NBEA: variants seen among roughly 807,000 people sequenced by gnomAD.
NBEA encodes lysosomal-trafficking regulator 2.
NBEA carries 44 observed loss-of-function variants against 343.4 expected under a neutral mutation model. The ratio of observed to expected loss-of-function variants is 0.13; its 90% CI spans 0.10 to 0.16. The LOEUF is 0.16. NBEA is among the 10% of genes least tolerant of loss of function. NBEA has a pLI of 1.00. For synonymous variants in NBEA, 1,175 were observed against 1,238.7 expected (o/e 0.95, Z 1.08); for missense variants, 2,555 against 3,631.3 (o/e 0.70, Z 7.62).
At chr13:35,506,364 C>G (rs1225508863) in intron 41 of NBEA, among the ~76,000 whole-genome samples, 1 of 152,182 alleles carries the variant, frequency 6.6e-6, no homozygotes, top group Admixed American at 6.5e-5. Flanking sequence ...CCACCTCAAC[C>G]AGACCCATCC....
intron 17 of NBEA, among the ~76,000 whole-genome samples, chr13:35,132,755 C>A (rs1402729675): frequency 2.0e-5 from 3 of 152,046 alleles, no homozygotes; most frequent in Non-Finnish European, 4.4e-5. Context: ...CCAGTGGGCA[C>A]AGGGAACTGT....
intron 40 of NBEA, among the ~76,000 whole-genome samples, chr13:35,455,795 AAG>A (rs1226536934): frequency 6.6e-6 from 1 of 152,122 alleles, no homozygotes; most frequent in Non-Finnish European, 1.5e-5. Flanking sequence ...TAAAGAGGTC[AAG>A]AGATTAAGTA....
intron 55 of NBEA, among the ~76,000 whole-genome samples, chr13:35,657,248 G>A (rs7994304): frequency 0.034 from 5,199 of 152,278 alleles, 313 homozygotes; most frequent in African/African-American, 0.12. Context: ...AAGAAACTAG[G>A]TGTGTTGTAA....
At chr13:35,082,205 A>G in intron 10 of NBEA, among the ~76,000 whole-genome samples, 1 of 152,014 alleles carries the variant, frequency 6.6e-6, no homozygotes, top group East Asian at 1.9e-4. Context: ...GCTGAGAATG[A>G]TGGTTTCCAG....
intron 30 of NBEA, 119 bp downstream of exon 30, chr13:35,184,190 TATG>T (rs2071522553): frequency 3.1e-6 from 2 of 650,484 alleles, no homozygotes; most frequent in Admixed American, 6.9e-5. Flanking sequence ...TTCATGGAGA[TATG>T]ATATGTTGTA....
chr13:35,080,176 T>A (rs937795464), intron 10 of NBEA, among the ~76,000 whole-genome samples: 1 of 152,120 alleles, frequency 6.6e-6, no homozygotes, highest in African/African-American at 2.4e-5. Flanking sequence ...CATATAAAAT[T>A]AAAAAATTGT....
chr13:35,243,226 G>A (rs567807319), intron 34 of NBEA, among the ~76,000 whole-genome samples: 2 of 151,786 alleles, frequency 1.3e-5, no homozygotes, highest in African/African-American at 4.8e-5. Context: ...ATAATTTTAA[G>A]ATGTTTTATG....
At position 35,532,156 on chromosome 13, in the gene NBEA, G is replaced by A. The variant is rs912369913; in HGVS notation, c.6586-18321G>A. On this transcript the variant is annotated intron_variant, in intron 41 of 58. Transcript: ENST00000379939. The stretch of plus-strand genomic sequence containing the variant: ...CTATTTTGGAGCTAAAAAGTTGAAG[G>A]AAGTGTAATTTGTATTTAGCTTCGA... Among the ~76,000 whole-genome samples the A allele has an allele frequency of 3.9e-5, 6 of 152,146 alleles. No homozygotes were observed. The South Asian group carries it at 1.2e-3, about 32-fold the overall frequency.
chr13:35,138,259 T>G (rs562234193), intron 17 of NBEA, among the ~76,000 whole-genome samples: 10 of 152,188 alleles, frequency 6.6e-5, no homozygotes, highest in African/African-American at 2.4e-4. Flanking sequence ...AATGTACATA[T>G]TTTTGGAGGT....
chr13:35,391,848 TA>T (rs1160254344), intron 38 of NBEA, among the ~76,000 whole-genome samples: 2 of 152,196 alleles, frequency 1.3e-5, no homozygotes, highest in African/African-American at 4.8e-5. Flanking sequence ...AGTTATTTCT[TA>T]CTAACTTTTC....
chr13:35,643,288 G>A (rs2084058201), intron 49 of NBEA, among the ~76,000 whole-genome samples: 1 of 151,920 alleles, frequency 6.6e-6, no homozygotes, highest in Non-Finnish European at 1.5e-5. Flanking sequence ...GGGCAGCCTG[G>A]GCTTGTCTCC....
chr13:34,965,237 T>C (rs2059783459), intron 1 of NBEA, among the ~76,000 whole-genome samples: 2 of 152,030 alleles, frequency 1.3e-5, no homozygotes, highest in Admixed American at 6.6e-5. Context: ...GATTCTTATC[T>C]TTAAGGATTT....
intron 28 of NBEA, 95 bp downstream of exon 28, chr13:35,177,198 T>C: frequency 1.1e-6 from 1 of 889,656 alleles, no homozygotes; most frequent in Non-Finnish European, 1.8e-6. Context: ...AAAACGACAT[T>C]CCCTAGTATC....
At chr13:35,053,256 A>T (rs147818978) in intron 6 of NBEA, among the ~76,000 whole-genome samples, 83 of 152,214 alleles carry the variant, frequency 5.5e-4, no homozygotes, top group Non-Finnish European at 1.0e-3. Flanking sequence ...GTCTGTTTAC[A>T]ATCTGGTCTT....
chr13:35,093,617 G>C (rs2152631439), intron 10 of NBEA, among the ~76,000 whole-genome samples: 1 of 152,100 alleles, frequency 6.6e-6, no homozygotes, highest in African/African-American at 2.4e-5. Flanking sequence ...AAGGGCATTA[G>C]AGTATGCATA....
intron 41 of NBEA, among the ~76,000 whole-genome samples, chr13:35,502,623 G>A (rs1385450740): frequency 6.6e-6 from 1 of 151,984 alleles, no homozygotes; most frequent in Non-Finnish European, 1.5e-5. Flanking sequence ...TCCTCTGGGG[G>A]TTTGTGGGTC....
intron 38 of NBEA, among the ~76,000 whole-genome samples, chr13:35,427,798 C>A (rs150948726): frequency 6.6e-6 from 1 of 152,192 alleles, no homozygotes; most frequent in Admixed American, 6.5e-5. Context: ...TGAGCTTCCC[C>A]GCTGCTTTGT....
intron 41 of NBEA, among the ~76,000 whole-genome samples, chr13:35,480,274 CATAA>C (rs578249171): frequency 6.6e-6 from 1 of 152,046 alleles, no homozygotes; most frequent in African/African-American, 2.4e-5. Flanking sequence ...CAAAGTAATT[CATAA>C]ATAGTGTCAT....
intron 38 of NBEA, among the ~76,000 whole-genome samples, chr13:35,370,257 T>C (rs928776061): frequency 3.9e-5 from 6 of 151,994 alleles, no homozygotes; most frequent in Non-Finnish European, 7.4e-5. Context: ...TTATTTTCTC[T>C]TGCTGAGTTG....
Sources: allele counts gnomAD v4.1 joint callset (sites outside exome capture counted in the v4.1 genomes callset), GRCh38; gene constraint gnomAD v4.1.1; transcripts MANE v1.5; gene names NCBI Gene and HGNC (gene_info 2026-07-23, HGNC 2026-07-21).